Variants in STAMBPL1 observed in about 807,000 individuals in gnomAD.
The protein encoded by STAMBPL1 is STAM binding protein like 1.
In STAMBPL1, 44 loss-of-function variants were observed where a neutral mutation model predicts 52.9. That is an observed-to-expected ratio of 0.83 (90% confidence interval 0.65 to 1.07). STAMBPL1 has a LOEUF of 1.07. Among genes scored for constraint, STAMBPL1 ranks in the 50% least tolerant of loss-of-function variants. The probability of loss-of-function intolerance (pLI) is 0.00; values close to 1 mark genes in which losing one functional copy is unlikely to be tolerated. For missense variants in STAMBPL1, 511 were observed against 520.8 expected (o/e 0.98, Z 0.18); for synonymous variants, 164 against 177.3 (o/e 0.92, Z 0.60).
chr10:88,890,337 A>G (rs1844647227), intron 1 of STAMBPL1, among the ~76,000 whole-genome samples: 1 of 152,236 alleles, frequency 6.6e-6, no homozygotes, highest in South Asian at 2.1e-4. Flanking sequence ...AAAGATCACT[A>G]CAGGTAGATT....
intron 5 of STAMBPL1, among the ~76,000 whole-genome samples, chr10:88,911,681 AC>A (rs1835156612): frequency 6.6e-6 from 1 of 152,168 alleles, no homozygotes; most frequent in Non-Finnish European, 1.5e-5. Flanking sequence ...TACCACCTTC[AC>A]TGACTCTCAC....
rs749272357 is a variant in STAMBPL1 at position 88,913,296 on chromosome 10, A to G, written c.616A>G (p.Ile206Val). ...SQQTSGLSEQ[I>V]DGSALSCFST... The stretch of plus-strand genomic sequence containing the variant: ...GCAAACCTCAGGGCTGTCAGAGCAG[A>G]TTGATGGGAGCGCTTTGTCCTGCTT... Residue 206 changes from isoleucine to valine, a missense_variant, in exon 6 of 11, where the codon ATT becomes GTT. Physicochemically the swap from Ile to Val is conservative, Grantham distance 29. Transcript: ENST00000371926. 4 of 1,613,944 alleles carry G rather than the reference A, an allele frequency of 2.5e-6. No individual in the cohort carries two copies. The highest frequency in any genetic ancestry group is 2.5e-6 in the Non-Finnish European group (3 of 1,179,878).
rs1391110380 is a variant in STAMBPL1 at position 88,913,236 on chromosome 10, A to C, written c.556A>C (p.Lys186Gln). 6.2e-7 allele frequency: 1 copy of C among 1,613,868 alleles called. No individual in the cohort carries two copies. The highest frequency in any genetic ancestry group is 8.5e-7 in the Non-Finnish European group (1 of 1,179,838). Residue 186 changes from lysine to glutamine, a missense_variant, in exon 6 of 11, where the codon AAG becomes CAG. Physicochemically the swap from Lys to Gln is moderately conservative, Grantham distance 53. Transcript: ENST00000371926. ...TCTGTTTTTCGAAGATCAACTCAAG[A>C]AGCAAGAGTTAGCCCGAGGTCAAAT... ...QFLFFEDQLK[K>Q]QELARGQMRS...
chr10:88,921,625 A>G (rs893173180), intron 9 of STAMBPL1, among the ~76,000 whole-genome samples: 10 of 152,210 alleles, frequency 6.6e-5, no homozygotes, highest in Non-Finnish European at 8.8e-5. Flanking sequence ...TTTGAAGTGA[A>G]TAACATTTAA....
chr10:88,904,876 T>C (rs376458874), intron 2 of STAMBPL1, among the ~76,000 whole-genome samples: 127 of 152,282 alleles, frequency 8.3e-4, no homozygotes, highest in Admixed American at 1.4e-3. Context: ...GGCATTCTTA[T>C]GCTTGAAAAG....
chr10:88,881,882 A>G (rs1442251179), intron 1 of STAMBPL1, among the ~76,000 whole-genome samples: 1 of 152,236 alleles, frequency 6.6e-6, no homozygotes, highest in Non-Finnish European at 1.5e-5. Context: ...TATTTTTAAT[A>G]CAAGTTAATG....
chr10:88,916,553 G>A, intron 7 of STAMBPL1, 127 bp from the exon 8 acceptor site: 1 of 511,322 alleles, frequency 2.0e-6, no homozygotes, highest in Admixed American at 5.4e-5. Context: ...GATGATGTAA[G>A]TGGTCCCTGT....
At chr10:88,885,198 T>A (rs1353864934) in intron 1 of STAMBPL1, among the ~76,000 whole-genome samples, 2 of 152,174 alleles carry the variant, frequency 1.3e-5, no homozygotes, top group Non-Finnish European at 2.9e-5. Context: ...CTTGTATGGA[T>A]CCCTGTCTTC....
intron 8 of STAMBPL1, among the ~76,000 whole-genome samples, chr10:88,920,926 G>A (rs1377754979): frequency 6.6e-6 from 1 of 152,058 alleles, no homozygotes; most frequent in Non-Finnish European, 1.5e-5. Flanking sequence ...ACCTCCCTTA[G>A]TTTTGGGATC....
At chr10:88,921,469 C>A (rs1845510281) in intron 9 of STAMBPL1, 74 bp downstream of exon 9, 1 of 1,212,496 alleles carries the variant, frequency 8.2e-7, no homozygotes, top group Non-Finnish European at 1.2e-6. Context: ...GTCCAGACAC[C>A]AGGTTGTGGT....
intron 8 of STAMBPL1, among the ~76,000 whole-genome samples, chr10:88,917,536 G>A (rs1845401595): frequency 6.6e-6 from 1 of 151,228 alleles, no homozygotes. Flanking sequence ...TCCATAAAGT[G>A]GAGATCATAA....
Position 88,905,121 on chromosome 10 carries a change from A to G in STAMBPL1, c.31-322A>G, listed in dbSNP as rs139010455. On this transcript the variant is annotated intron_variant, in intron 2 of 10. Coordinates refer to ENST00000371926, the MANE Select transcript of STAMBPL1 (RefSeq NM_020799.4). ...GATGATCCCAGATAGAAGCATGCAC[A>G]GGGATATGAGGAGCAATGATATTTT... 1.1e-4 allele frequency among the ~76,000 whole-genome samples: 17 copies of G among 152,298 alleles called. No homozygotes were observed. In the East Asian group the frequency reaches 2.9e-3, roughly 26 times the overall value.
intron 4 of STAMBPL1, among the ~76,000 whole-genome samples, chr10:88,910,326 C>A (rs764661822): frequency 6.6e-6 from 1 of 152,078 alleles, no homozygotes; most frequent in African/African-American, 2.4e-5. Flanking sequence ...GGTAGTTGGA[C>A]TATATAAGAA....
chr10:88,889,649 A>G lies in STAMBPL1; in HGVS notation c.-54+9011A>G, dbSNP rs908589714. On this transcript the variant is annotated intron_variant, in intron 1 of 10. Transcript: ENST00000371926. Reference sequence around the variant, plus strand: ...ATATTTTATTTTAAAATAATTTTAGACTTTCAAAAGATTGTGGAAACAGTA... The same window carrying G: ...ATATTTTATTTTAAAATAATTTTAGGCTTTCAAAAGATTGTGGAAACAGTA... Among the ~76,000 whole-genome samples the G allele has an allele frequency of 3.3e-5, 5 of 152,202 alleles. No individual in the cohort carries two copies. The East Asian group carries it at 9.6e-4, about 29-fold the overall frequency.
chr10:88,920,605 C>CCATGCATAA (rs1389618944), intron 8 of STAMBPL1, among the ~76,000 whole-genome samples: 2 of 152,126 alleles, frequency 1.3e-5, no homozygotes, highest in African/African-American at 4.8e-5. Context: ...CTCCGATTGG[C>CCATGCATAA]CATGCATAAA....
chr10:88,887,041 A>G (rs575013133), intron 1 of STAMBPL1, among the ~76,000 whole-genome samples: 1 of 152,058 alleles, frequency 6.6e-6, no homozygotes, highest in Non-Finnish European at 1.5e-5. Flanking sequence ...TTTTTCCCCA[A>G]TCTGTTTTGT....
chr10:88,909,473 A>G (rs1025002159), intron 4 of STAMBPL1, among the ~76,000 whole-genome samples: 2 of 152,236 alleles, frequency 1.3e-5, no homozygotes, highest in Non-Finnish European at 2.9e-5. Context: ...CAATTGTAGC[A>G]TGAAATTTTA....
At chr10:88,921,143 T>C in intron 8 of STAMBPL1, 140 bp from the exon 9 acceptor site, 1 of 608,946 alleles carries the variant, frequency 1.6e-6, no homozygotes, top group Non-Finnish European at 2.8e-6. Flanking sequence ...GGAAGGATTA[T>C]GTCAGCAAAA....
intron 7 of STAMBPL1, 56 bp downstream of exon 7, chr10:88,914,714 A>G: frequency 1.3e-6 from 1 of 788,470 alleles, no homozygotes; most frequent in Non-Finnish European, 1.7e-6. Flanking sequence ...GATACTTTTA[A>G]TAGTACTAGA....
Sources: allele counts gnomAD v4.1 joint callset (sites outside exome capture counted in the v4.1 genomes callset), GRCh38; gene constraint gnomAD v4.1.1; transcripts MANE v1.5; gene names NCBI Gene and HGNC (gene_info 2026-07-23, HGNC 2026-07-21).